IL12RB1: variants seen among roughly 807,000 people sequenced by gnomAD.
The protein encoded by IL12RB1 is interleukin 12 receptor subunit beta 1, also known as interleukin-12 receptor subunit beta-1.
A neutral mutation model predicts 94.4 loss-of-function variants in IL12RB1; 64 were observed. That is an observed-to-expected ratio of 0.68 (90% CI 0.55 to 0.83). IL12RB1 has a LOEUF of 0.83. IL12RB1 is among the 40% of genes least tolerant of loss of function. The pLI, the probability that IL12RB1 is intolerant of heterozygous loss-of-function variation, is 0.00. For synonymous variants in IL12RB1, 362 were observed against 355.5 expected (o/e 1.02, Z -0.21); for missense variants, 814 against 855.6 (o/e 0.95, Z 0.61).
At chr19:18,064,801 TC>T (rs2034457690) in intron 12 of IL12RB1, among the ~76,000 whole-genome samples, 1 of 152,036 alleles carries the variant, frequency 6.6e-6, no homozygotes, top group African/African-American at 2.4e-5. Flanking sequence ...GGCAGGTGGA[TC>T]TGAGGTTGGA....
rs1409770793 is a variant in IL12RB1 at position 18,084,251 on chromosome 19, TCATC to T, written c.65-764_65-761del. Among the ~76,000 whole-genome samples, 9 of 128,822 alleles carry T rather than the reference TCATC, an allele frequency of 7.0e-5. No homozygotes were observed. In the East Asian group the frequency reaches 1.0e-3, roughly 15 times the overall value. The allele number at this position is 128,822 out of a possible 152,430, so 84.5% of individuals were successfully genotyped here. A position where few individuals can be genotyped will look rare whatever the true frequency, so the allele number is the denominator to read the frequency against. Reference sequence around the variant, plus strand: ...ACCATCCGTCCATCCATCCACGTATTCATCCATCCATCCATCCACCCCCCATCCA... The same window carrying T: ...ACCATCCGTCCATCCATCCACGTATTCATCCATCCATCCACCCCCCATCCA... On this transcript the variant is annotated intron_variant, in intron 1 of 16. Transcript: ENST00000593993.
At chr19:18,093,927 C>T (rs763025007) in intron 1 of IL12RB1, among the ~76,000 whole-genome samples, 11 of 152,168 alleles carry the variant, frequency 7.2e-5, no homozygotes, top group Admixed American at 2.0e-4. Context: ...AGCTTCCCTC[C>T]ATGTGGCCAA....
chr19:18,091,055 C>T (rs555208108), upstream of IL12RB1, among the ~76,000 whole-genome samples: 17 of 152,042 alleles, frequency 1.1e-4, no homozygotes, highest in South Asian at 1.2e-3. Context: ...GGGCCTCGAG[C>T]GCCAGGCTAA....
In IL12RB1 at chr19:18,075,730, G is replaced by A; in HGVS notation, c.700+19C>T. On this transcript the variant is annotated intron_variant, in intron 7 of 16. Coordinates refer to ENST00000593993, the MANE Select transcript of IL12RB1 (RefSeq NM_005535.3). ...ATTTCTAATGCTTGCCCCTGTTCCTGTACTCAGAGTGATCTTACCAGGGGG... is the reference window on the plus strand; with the variant it reads ...ATTTCTAATGCTTGCCCCTGTTCCTATACTCAGAGTGATCTTACCAGGGGG... 6.2e-7 allele frequency: 1 copy of A among 1,607,034 alleles called. No homozygotes were observed. Among genetic ancestry groups the A allele is most frequent in the Non-Finnish European group, 8.5e-7 (1 of 1,173,712 alleles).
chr19:18,068,771 T>C (rs1210759426), intron 10 of IL12RB1, among the ~76,000 whole-genome samples: 2 of 145,132 alleles, frequency 1.4e-5, no homozygotes, highest in African/African-American at 5.1e-5. Flanking sequence ...TTTTTTGAGA[T>C]GGAGTCTCGC....
chr19:18,080,794 TG>T, intron 4 of IL12RB1, 37 bp downstream of exon 4: 1 of 1,448,846 alleles, frequency 6.9e-7, no homozygotes, highest in Non-Finnish European at 9.7e-7. Flanking sequence ...ATGGCCTCTC[TG>T]GGTAAAAAAC....
In IL12RB1 at chr19:18,082,167, G is replaced by A; in HGVS notation, c.222C>T (p.Ser74=). 6.2e-7 allele frequency: 1 copy of A among 1,610,260 alleles called. No homozygotes were observed. The highest frequency in any genetic ancestry group is 8.5e-7 in the Non-Finnish European group (1 of 1,176,666). Residue 74 remains serine, a synonymous_variant, in exon 3 of 17, where the codon AGC becomes AGT. Coordinates refer to ENST00000593993, the MANE Select transcript of IL12RB1 (RefSeq NM_005535.3). Reference sequence around the variant, plus strand: ...GTCCTCACCAACACCGCAGGAAGTGGCTGACCCCAGCTGTGGGACCCTCAT... The same window carrying A: ...GTCCTCACCAACACCGCAGGAAGTGACTGACCCCAGCTGTGGGACCCTCAT... ...WQYEGPTAGV[S]HFLRCCLSSG...
intron 16 of IL12RB1, 136 bp from the exon 17 acceptor site, chr19:18,059,749 C>G (rs180780717): frequency 2.7e-6 from 2 of 736,170 alleles, no homozygotes; most frequent in Non-Finnish European, 5.1e-6. Flanking sequence ...GATAGTCGCT[C>G]TTCGTGTCTG....
chr19:18,083,955 CCATCCATCCATGTATT>C (rs370366284), intron 1 of IL12RB1, among the ~76,000 whole-genome samples: 6,251 of 148,842 alleles, frequency 0.042, 479 homozygotes, highest in African/African-American at 0.15. Context: ...ACCCATTCAC[CCATCCATCCATGTATT>C]CATCCATCCA....
At chr19:18,093,365 T>C (rs971895422) in intron 1 of IL12RB1, among the ~76,000 whole-genome samples, 4 of 147,496 alleles carry the variant, frequency 2.7e-5, no homozygotes, top group South Asian at 2.1e-4. Context: ...TGTGTGCGTG[T>C]GTGTGTGTGT....
At chr19:18,066,424 G>A (rs1478356095) in intron 12 of IL12RB1, 118 bp downstream of exon 12, 26 of 711,144 alleles carry the variant, frequency 3.7e-5, no homozygotes, top group Non-Finnish European at 6.4e-5. Flanking sequence ...TTGTTTTAAG[G>A]GTTTGATAAC....
chr19:18,095,005 C>T (rs189987020), intron 1 of IL12RB1, among the ~76,000 whole-genome samples: 21 of 152,070 alleles, frequency 1.4e-4, no homozygotes, highest in Middle Eastern at 3.4e-3. Flanking sequence ...TGGTGAAACC[C>T]CCGTCTCTAC....
Position 18,080,912 on chromosome 19 carries a change from G to A in IL12RB1, c.329C>T (p.Thr110Ile), listed in dbSNP as rs765371000. ...SDQAGVSVLY[T>I]VTLWVESWAR... ...CCAGGATTCCACCCAGAGTGTGACA[G>A]TGTACAGCACAGACACCCCAGCCTG... The change falls in exon 4 of 17, where the codon ACT (threonine) becomes ATT (isoleucine). Residue 110 changes from threonine (T) to isoleucine (I), a missense_variant. Thr to Ile is a moderately conservative substitution (Grantham distance 89). Coordinates refer to ENST00000593993, the MANE Select transcript of IL12RB1 (RefSeq NM_005535.3). The A allele has an allele frequency of 7.4e-6, 12 of 1,613,406 alleles. No homozygotes were observed. The African/African-American group carries it at 1.3e-4, about 18-fold the overall frequency.
At chr19:18,063,061 C>T (rs1393848068) in intron 13 of IL12RB1, among the ~76,000 whole-genome samples, 1 of 135,100 alleles carries the variant, frequency 7.4e-6, no homozygotes, top group Non-Finnish European at 1.5e-5. Context: ...CTTCTTTCTT[C>T]TCCTTCTTCT....
chr19:18,074,930 T>C (rs1398016268), intron 7 of IL12RB1, among the ~76,000 whole-genome samples: 1 of 146,696 alleles, frequency 6.8e-6, no homozygotes, highest in Non-Finnish European at 1.5e-5. Context: ...CAGACACCTG[T>C]AGTCCCAGCT....
At chr19:18,097,670 C>A in intron 1 of IL12RB1, 2 of 547,512 alleles carry the variant, frequency 3.7e-6, no homozygotes, top group Non-Finnish European at 5.2e-6. Flanking sequence ...TGTGGTCGGG[C>A]TCCCCGGGAG....
At chr19:18,075,083 A>G (rs2035361561) in intron 7 of IL12RB1, among the ~76,000 whole-genome samples, 1 of 151,398 alleles carries the variant, frequency 6.6e-6, no homozygotes, top group Admixed American at 6.6e-5. Context: ...CAACAAACAA[A>G]CAAACAAAAA....
intron 1 of IL12RB1, among the ~76,000 whole-genome samples, chr19:18,094,934 C>T (rs907983114): frequency 2.6e-4 from 40 of 152,086 alleles, no homozygotes; most frequent in Admixed American, 1.8e-3. Flanking sequence ...CCCAGCCTTT[C>T]GGGAGGCCAA....
chr19:18,077,616 T>G lies in IL12RB1; in HGVS notation c.449A>C (p.Lys150Thr). The G allele has an allele frequency of 1.3e-6, 2 of 1,595,644 alleles. No homozygotes were observed. The highest frequency in any genetic ancestry group is 1.7e-6 in the Non-Finnish European group (2 of 1,163,216). ...EPPLGDIKVS[K>T]LAGQLRMEWE... is the part of the protein sequence containing the mutation. ...CTCCATACGCAGCTGCCCGGCCAAC[T>G]TGGACACCTTGATGTCTCCCAGAGG... Residue 150 changes from lysine to threonine, a missense_variant, in exon 5 of 17, where the codon AAG becomes ACG. By Grantham distance (78) the Lys-to-Thr change is moderately conservative. Coordinates refer to ENST00000593993, the MANE Select transcript of IL12RB1 (RefSeq NM_005535.3).
Sources: gnomAD v4.1 joint callset for allele counts (sites outside exome capture counted in the v4.1 genomes callset) on GRCh38, gnomAD v4.1.1 for gene constraint, MANE v1.5 for transcripts, NCBI Gene and HGNC (gene_info 2026-07-23, HGNC 2026-07-21) for gene names.